Variants in SENP5 observed in about 807,000 individuals in gnomAD.
The protein encoded by SENP5 is SUMO specific peptidase 5.
Under a neutral mutation model 74.2 loss-of-function variants are expected in SENP5, and 21 were observed. The ratio of observed to expected loss-of-function variants is 0.28; its 90% CI spans 0.20 to 0.41. SENP5 has a LOEUF of 0.41. Among genes scored for constraint, SENP5 ranks in the 10% least tolerant of loss-of-function variants. SENP5 has a pLI of 1.00. For missense variants in SENP5, 717 were observed against 889.1 expected, an observed-to-expected ratio of 0.81 and a Z score of 2.46; for synonymous variants, 311 against 312.7, an observed-to-expected ratio of 0.99 and a Z score of 0.06.
intron 1 of SENP5, among the ~76,000 whole-genome samples, chr3:196,872,410 C>T (rs1445218626): frequency 6.6e-6 from 1 of 152,146 alleles, no homozygotes; most frequent in African/African-American, 2.4e-5. Flanking sequence ...GAAGGGATCT[C>T]CTACTTGGAG....
In SENP5 at chr3:196,933,013, G is replaced by GGTTTTTTTTTT. The variant is rs1716095797; in HGVS notation, c.*2090_*2091insGTTTTTTTTTT. The GGTTTTTTTTTT allele has an allele frequency of 8.9e-6, 1 of 112,182 alleles. No individual in the cohort carries two copies. The highest frequency in any genetic ancestry group is 1.7e-5 in the Non-Finnish European group (1 of 59,134). 6.9% of individuals were successfully genotyped at this position (112,182 alleles called of 1,614,324 possible). A position where few individuals can be genotyped will look rare whatever the true frequency, so the allele number is the denominator to read the frequency against. On this transcript the variant is annotated 3_prime_UTR_variant, in exon 10 of 10. Transcript: ENST00000323460. ...GGCTTAGACTAAATGTTGAGTTTGGGTTTTTTGTTTTTTTTTTTTTTTGAG... is the reference window on the plus strand; with the variant it reads ...GGCTTAGACTAAATGTTGAGTTTGGGGTTTTTTTTTTTTTTTTGTTTTTTTTTTTTTTTGAG...
chr3:196,922,145 G>A (rs1715642828), intron 6 of SENP5, among the ~76,000 whole-genome samples: 1 of 152,098 alleles, frequency 6.6e-6, no homozygotes, highest in African/African-American at 2.4e-5. Flanking sequence ...AATAACTAAG[G>A]TATTTGGCTA....
intron 9 of SENP5, among the ~76,000 whole-genome samples, chr3:196,930,113 G>A (rs1715977504): frequency 6.6e-6 from 1 of 152,034 alleles, no homozygotes; most frequent in Admixed American, 6.6e-5. Flanking sequence ...AGATCGAAAA[G>A]GGCTATGGAA....
chr3:196,899,284 C>T (rs943023262), intron 2 of SENP5, among the ~76,000 whole-genome samples: 9 of 152,112 alleles, frequency 5.9e-5, no homozygotes, highest in African/African-American at 2.2e-4. Context: ...ATAATTCTTT[C>T]AGTTACCAAA....
rs79705531 is a variant in SENP5, at chr3:196,889,227, T to A, written c.1513+2533T>A. 2.3e-3 allele frequency among the ~76,000 whole-genome samples: 345 copies of A among 152,042 alleles called. 11 individuals are homozygous for A. The East Asian group carries it at 0.057, about 25-fold the overall frequency. On this transcript the variant is annotated intron_variant, in intron 2 of 9. Coordinates refer to ENST00000323460, the MANE Select transcript of SENP5 (RefSeq NM_152699.5). ...AAACAACACCAAAAAACCTCTTGTC[T>A]ATACTGTCCTAGAGTAAAGCCAGAT...
Position 196,885,190 on chromosome 3 carries a change from A to G in SENP5, c.9A>G (p.Lys3=), listed in dbSNP as rs762410548. The change falls in exon 2 of 10, where the codon AAA becomes AAG. Residue 3 remains lysine (K), a synonymous_variant. Coordinates refer to ENST00000323460, the MANE Select transcript of SENP5 (RefSeq NM_152699.5). ...CATTATGCATCAGAAAAATGAAAAA[A>G]CAGAGGAAAATTCTATGGAGGAAAG... MK[K]QRKILWRKGI... The G allele has an allele frequency of 2.5e-6, 4 of 1,608,970 alleles. No individual in the cohort carries two copies. The highest frequency in any genetic ancestry group is 3.4e-6 in the Non-Finnish European group (4 of 1,178,146).
At position 196,879,250 on chromosome 3, in the gene SENP5, G is replaced by GTCTAACCCA. The variant is rs1247447315; in HGVS notation, c.-31-5901_-31-5900insTCTAACCCA. Among the ~76,000 whole-genome samples, 9 of 152,304 alleles carry GTCTAACCCA rather than the reference G, an allele frequency of 5.9e-5. No homozygotes were observed. In the East Asian group the frequency reaches 1.7e-3, roughly 29 times the overall value. On this transcript the variant is annotated intron_variant, in intron 1 of 9. Coordinates refer to ENST00000323460, the MANE Select transcript of SENP5 (RefSeq NM_152699.5). The stretch of plus-strand genomic sequence containing the variant: ...TGGAGTATCTGGTTGAGAAGCACTG[G>GTCTAACCCA]GTTAGATCAGTGTTTAGCTTATTAC...
intron 1 of SENP5, among the ~76,000 whole-genome samples, chr3:196,874,909 C>G (rs904786360): frequency 6.6e-6 from 1 of 152,050 alleles, no homozygotes; most frequent in African/African-American, 2.4e-5. Flanking sequence ...GGCTATTGCC[C>G]TAGGGTACAT....
In SENP5 at chr3:196,886,141, C is replaced by T. The variant is rs1713958748; in HGVS notation, c.960C>T (p.Asn320=). Reference sequence around the variant, plus strand: ...GCAGTGCTGTGGTGAAGGGGACGAACTCTCATGTGCCTGATTGCCACACTA... The same window carrying T: ...GCAGTGCTGTGGTGAAGGGGACGAATTCTCATGTGCCTGATTGCCACACTA... ...MDSSAVVKGT[N]SHVPDCHTKG... The change falls in exon 2 of 10, where the codon AAC becomes AAT. Residue 320 remains asparagine (N), a synonymous_variant. Coordinates refer to ENST00000323460, the MANE Select transcript of SENP5 (RefSeq NM_152699.5). 1 of 1,614,098 alleles carries T rather than the reference C, an allele frequency of 6.2e-7. No individual in the cohort carries two copies. Among genetic ancestry groups the T allele is most frequent in the Non-Finnish European group, 8.5e-7 (1 of 1,180,048 alleles).
At chr3:196,887,693 A>G (rs1301722692) in intron 2 of SENP5, among the ~76,000 whole-genome samples, 1 of 152,156 alleles carries the variant, frequency 6.6e-6, no homozygotes, top group Non-Finnish European at 1.5e-5. Context: ...AAAAGCCTTC[A>G]GTACCCCAAA....
Position 196,927,818 on chromosome 3 carries a change from C to G in SENP5, c.2045C>G (p.Thr682Ser). 4.3e-6 allele frequency: 7 copies of G among 1,610,504 alleles called. No homozygotes were observed. The highest frequency in any genetic ancestry group is 5.9e-6 in the Non-Finnish European group (7 of 1,176,804). The change falls in exon 8 of 10, where the codon ACT becomes AGT. Residue 682 changes from threonine to serine, a missense_variant. Physicochemically the swap from Thr to Ser is moderately conservative, Grantham distance 58. Transcript: ENST00000323460. ...CVENIRKYLL[T>S]EAREKNRPEF... is the part of the protein sequence containing the mutation. ...CAGAATATAAGAAAGTATTTGCTGA[C>G]TGAAGCCAGAGAAAAAAATAGACCT...
chr3:196,890,796 A>G (rs1714169574), intron 2 of SENP5, among the ~76,000 whole-genome samples: 1 of 152,236 alleles, frequency 6.6e-6, no homozygotes, highest in Non-Finnish European at 1.5e-5. Flanking sequence ...AGGCTTTGCA[A>G]GTGCCAATCA....
At chr3:196,913,698 G>A (rs1437000905) in intron 6 of SENP5, among the ~76,000 whole-genome samples, 2 of 131,162 alleles carry the variant, frequency 1.5e-5, no homozygotes, top group Non-Finnish European at 3.1e-5. Context: ...TGCCCAGGCT[G>A]GAGTGCAGTG....
At chr3:196,914,586 A>AAAAAAAATATATATATATATATAT in intron 6 of SENP5, 6 of 33,492 alleles carry the variant, frequency 1.8e-4, no homozygotes, top group Admixed American at 3.1e-4. Context: ...AAAAAAAAAA[A>AAAAAAAATATATATATATATATAT]ATATATATAT....
intron 2 of SENP5, among the ~76,000 whole-genome samples, chr3:196,891,294 G>A (rs930503291): frequency 6.6e-6 from 1 of 150,406 alleles, no homozygotes; most frequent in South Asian, 2.1e-4. Flanking sequence ...GGGAAGAAGG[G>A]GAATGAGAGG....
rs1714628845 is a variant in SENP5 at position 196,899,912 on chromosome 3, T to C, written c.1620-12T>C. On this transcript the variant is annotated splice_polypyrimidine_tract_variant and intron_variant, in intron 3 of 9. Transcript: ENST00000323460. ...TTTTTTTACCTTTTGTTTCAAAATC[T>C]TTCTCTTTCAGAAAACCATTTATCA... 1 of 1,611,324 alleles carries C rather than the reference T, an allele frequency of 6.2e-7. No homozygotes were observed. Among genetic ancestry groups the C allele is most frequent in the African/African-American group, 1.3e-5 (1 of 74,758 alleles).
At chr3:196,895,240 G>A (rs1714393729) in intron 2 of SENP5, among the ~76,000 whole-genome samples, 2 of 147,654 alleles carry the variant, frequency 1.4e-5, no homozygotes, top group Non-Finnish European at 3.0e-5. Context: ...CACCCAGGCT[G>A]GAGTGCAGTG....
At position 196,888,918 on chromosome 3, in the gene SENP5, C is replaced by T. The variant is rs112642589; in HGVS notation, c.1513+2224C>T. Among the ~76,000 whole-genome samples the T allele has an allele frequency of 5.3e-5, 8 of 152,102 alleles. 1 individual carries two copies. The highest frequency in any genetic ancestry group is 1.9e-4 in the African/African-American group (8 of 41,490). On this transcript the variant is annotated intron_variant, in intron 2 of 9. Transcript: ENST00000323460. ...GATCATGAGGTCAGGAGATCGAGAC[C>T]ATCCTGGCTAACATGGTGAAACCCC... is the stretch of plus-strand genomic sequence containing the variant.
At chr3:196,915,558 A>G (rs577017207) in intron 6 of SENP5, among the ~76,000 whole-genome samples, 22 of 152,316 alleles carry the variant, frequency 1.4e-4, no homozygotes, top group African/African-American at 4.6e-4. Context: ...TTGAATAAAT[A>G]TCAGCGGTCG....
Sources: gnomAD v4.1 joint callset for allele counts (sites outside exome capture counted in the v4.1 genomes callset) on GRCh38, gnomAD v4.1.1 for gene constraint, MANE v1.5 for transcripts, NCBI Gene and HGNC (gene_info 2026-07-23, HGNC 2026-07-21) for gene names.